Variants in NEBL observed in about 807,000 individuals in gnomAD.
The protein encoded by NEBL is LIM and SH3 protein 2.
In NEBL, 122 loss-of-function variants were observed where a neutral mutation model predicts 140.2. That is an observed-to-expected ratio of 0.87 (90% CI 0.75 to 1.01). NEBL has a LOEUF of 1.01. Ranked by LOEUF, NEBL falls within the 50% of genes least tolerant of loss-of-function variation. NEBL has a pLI of 0.00. For missense variants in NEBL, 1,365 were observed against 1,231.3 expected (o/e 1.11, Z -1.62); for synonymous variants, 436 against 398.9 (o/e 1.09, Z -1.11).
At chr10:20,990,532 C>T (rs541300800) in intron 3 of NEBL, among the ~76,000 whole-genome samples, 1 of 152,300 alleles carries the variant, frequency 6.6e-6, no homozygotes, top group Admixed American at 6.5e-5. Context: ...GATCTGCTGG[C>T]CCCTTGATCT....
In NEBL at chr10:21,173,390, G is replaced by A. The variant is rs1003917883; in HGVS notation, c.69+375C>T. ...GGGATCGCGGGCGGATCTGTGGGGCGGGGGGCGGGGGTATTGTGGAACACG... is the reference window on the plus strand; with the variant it reads ...GGGATCGCGGGCGGATCTGTGGGGCAGGGGGCGGGGGTATTGTGGAACACG... On this transcript the variant is annotated intron_variant, in intron 1 of 6. Transcript: ENST00000417816. The surrounding 1 kb of genome is among the most constrained non-coding windows in gnomAD (Gnocchi z 5.7). Among the ~76,000 whole-genome samples, 1 of 141,602 alleles carries A rather than the reference G, an allele frequency of 7.1e-6. No individual in the cohort carries two copies. The highest frequency in any genetic ancestry group is 6.9e-5 in the Admixed American group (1 of 14,450). 92.9% of individuals were successfully genotyped at this position (141,602 alleles called of 152,430 possible).
chr10:21,081,679 C>T (rs1187229308), intron 2 of NEBL, among the ~76,000 whole-genome samples: 1 of 152,030 alleles, frequency 6.6e-6, no homozygotes, highest in Non-Finnish European at 1.5e-5. Context: ...CAAGCATCCT[C>T]GGAGAAGTGA....
chr10:21,163,073 G>A (rs1221747861), intron 2 of NEBL, among the ~76,000 whole-genome samples: 2 of 152,208 alleles, frequency 1.3e-5, no homozygotes, highest in African/African-American at 4.8e-5. Context: ...TGAGGATACT[G>A]AGGCTTAGGT....
chr10:21,237,510 T>C (rs1842373001), intron 3 of NEBL, among the ~76,000 whole-genome samples: 1 of 152,034 alleles, frequency 6.6e-6, no homozygotes, highest in African/African-American at 2.4e-5. Context: ...CTGCCTAATA[T>C]GACATCTTTC....
intron 15 of NEBL, 60 bp from the exon 16 acceptor site, chr10:20,831,366 T>G: frequency 6.6e-7 from 1 of 1,522,642 alleles, no homozygotes; most frequent in Non-Finnish European, 9.1e-7. Flanking sequence ...ATGTTGAAAT[T>G]TACATGTTTG....
At chr10:20,945,797 C>G (rs530499321) in intron 4 of NEBL, among the ~76,000 whole-genome samples, 15 of 152,250 alleles carry the variant, frequency 9.9e-5, no homozygotes, top group Non-Finnish European at 1.6e-4. Flanking sequence ...CTCCCAAAAT[C>G]CTGGTGTAGA....
chr10:21,265,962 G>A (rs542824115), intron 1 of NEBL, among the ~76,000 whole-genome samples: 4 of 152,300 alleles, frequency 2.6e-5, no homozygotes, highest in East Asian at 3.9e-4. Flanking sequence ...GAAGAAGTTG[G>A]AGTATTTATC....
At chr10:20,810,802 T>A (rs1410046883) in intron 24 of NEBL, among the ~76,000 whole-genome samples, 1 of 152,224 alleles carries the variant, frequency 6.6e-6, no homozygotes, top group Non-Finnish European at 1.5e-5. Context: ...AAAATGGAAC[T>A]GGAAATTTGC....
rs187427531 is a variant in NEBL at position 20,801,874 on chromosome 10, T to C, written c.2761+6636A>G. Among the ~76,000 whole-genome samples the C allele has an allele frequency of 1.6e-3, 243 of 152,294 alleles. 1 individual carries two copies. Among genetic ancestry groups the C allele is most frequent in the Middle Eastern group, 3.4e-3 (1 of 294 alleles). On this transcript the variant is annotated intron_variant, in intron 26 of 27. Transcript: ENST00000377122. ...ATAGCCTGGCTAGGGTGGGTTAAAC[T>C]GCTACAAAATTCAGAAACTTACTTT...
chr10:20,903,121 C>T (rs1847940839), intron 4 of NEBL, among the ~76,000 whole-genome samples: 4 of 152,230 alleles, frequency 2.6e-5, no homozygotes, highest in South Asian at 4.1e-4. Context: ...CCTGAAAGTG[C>T]AGATAGTATC....
intron 7 of NEBL, among the ~76,000 whole-genome samples, chr10:20,860,561 C>CAAAAAAAAAAAAAAAAAA (rs879306514): frequency 3.2e-5 from 2 of 61,938 alleles, no homozygotes; most frequent in African/African-American, 1.3e-4. Context: ...AAGTTCACTA[C>CAAAAAAAAAAAAAAAAAA]AAAAAGAAAA....
At chr10:20,879,642 A>G (rs1050807744) in intron 5 of NEBL, among the ~76,000 whole-genome samples, 1 of 152,166 alleles carries the variant, frequency 6.6e-6, no homozygotes, top group Non-Finnish European at 1.5e-5. Flanking sequence ...ACCATTCCAT[A>G]AAGGGACTAA....
rs1309756322 is a variant in NEBL, at chr10:21,173,276, C to A, written c.69+489G>T. Among the ~76,000 whole-genome samples the A allele has an allele frequency of 6.6e-6, 1 of 152,192 alleles. No individual in the cohort carries two copies. Among genetic ancestry groups the A allele is most frequent in the African/African-American group, 2.4e-5 (1 of 41,454 alleles). ...CCAGCAGGGATTATTCTTAGCAATG[C>A]GGCAGCGGCCGCCCCATGACATATT... On this transcript the variant is annotated intron_variant, in intron 1 of 6. Coordinates refer to the NEBL transcript ENST00000417816. This position sits in a 1 kb window ranked among gnomAD's most constrained non-coding sequence, Gnocchi z 5.7.
At chr10:21,193,007 C>G (rs1564540368) in intron 3 of NEBL, among the ~76,000 whole-genome samples, 1 of 152,118 alleles carries the variant, frequency 6.6e-6, no homozygotes, top group East Asian at 1.9e-4. Context: ...CCAGGACTGA[C>G]TCGATGTTGA....
intron 2 of NEBL, among the ~76,000 whole-genome samples, chr10:21,160,771 C>T (rs182891912): frequency 6.6e-6 from 1 of 151,872 alleles, no homozygotes; most frequent in Non-Finnish European, 1.5e-5. Flanking sequence ...TCCACAAGAG[C>T]CTGTTAAGAC....
chr10:21,093,274 T>C (rs1043775857), intron 2 of NEBL, among the ~76,000 whole-genome samples: 3 of 151,050 alleles, frequency 2.0e-5, no homozygotes, highest in Non-Finnish European at 2.9e-5. Context: ...ACATGAATGG[T>C]AGTGCCAGGG....
intron 3 of NEBL, among the ~76,000 whole-genome samples, chr10:21,184,828 A>AAT (rs1387593741): frequency 6.6e-6 from 1 of 152,230 alleles, no homozygotes; most frequent in African/African-American, 2.4e-5. Flanking sequence ...ATTTTTTGTT[A>AAT]ATTTTATATA....
intron 3 of NEBL, among the ~76,000 whole-genome samples, chr10:21,195,216 C>G (rs1841629431): frequency 1.3e-5 from 2 of 152,092 alleles, no homozygotes; most frequent in South Asian, 4.1e-4. Flanking sequence ...TACAGTCATC[C>G]TTATGAAAGG....
At chr10:21,038,884 A>G (rs1395743475) in intron 2 of NEBL, among the ~76,000 whole-genome samples, 2 of 152,066 alleles carry the variant, frequency 1.3e-5, no homozygotes, top group East Asian at 3.9e-4. Context: ...TTGTTTCCAG[A>G]CTTTTTAATG....
Sources: gnomAD v4.1 joint callset for allele counts (sites outside exome capture counted in the v4.1 genomes callset) on GRCh38, gnomAD v4.1.1 for gene constraint, Gnocchi (gnomAD v3.1) non-coding constraint, MANE v1.5 for transcripts, NCBI Gene and HGNC (gene_info 2026-07-23, HGNC 2026-07-21) for gene names.